SEMA3A: variants seen among roughly 807,000 people sequenced by gnomAD.
SEMA3A encodes the protein semaphorin 3A, also known as semaphorin-3A.
Under a neutral mutation model 97.9 loss-of-function variants are expected in SEMA3A, and 29 were observed. That is an observed-to-expected ratio of 0.30 (90% CI 0.22 to 0.40). SEMA3A has a LOEUF of 0.40. SEMA3A is among the 10% of genes least tolerant of loss of function. The pLI is 1.00. For synonymous variants in SEMA3A, 321 were observed against 323.7 expected, an observed-to-expected ratio of 0.99 and a Z score of 0.09; for missense variants, 763 against 951.3, an observed-to-expected ratio of 0.80 and a Z score of 2.60.
At chr7:84,396,059 A>T (rs1395464530) in intron 1 of SEMA3A, among the ~76,000 whole-genome samples, 3 of 152,144 alleles carry the variant, frequency 2.0e-5, no homozygotes, top group African/African-American at 7.2e-5. Flanking sequence ...AGTTAAAAAT[A>T]TCAAATACTG....
chr7:84,102,291 G>A (rs972718455), intron 4 of SEMA3A, among the ~76,000 whole-genome samples: 1 of 152,180 alleles, frequency 6.6e-6, no homozygotes, highest in South Asian at 2.1e-4. Flanking sequence ...TGCCTTAAGA[G>A]AGTTTCTTGA....
chr7:84,374,437 T>C (rs1803049835), intron 1 of SEMA3A, among the ~76,000 whole-genome samples: 1 of 152,210 alleles, frequency 6.6e-6, no homozygotes, highest in South Asian at 2.1e-4. Flanking sequence ...CACATATCTT[T>C]CATACACTTA....
At chr7:84,227,619 G>A in intron 3 of SEMA3A, among the ~76,000 whole-genome samples, 1 of 152,036 alleles carries the variant, frequency 6.6e-6, no homozygotes, top group East Asian at 1.9e-4. Context: ...ATTATGAGTA[G>A]GCATCCTTAC....
chr7:84,167,172 A>G (rs1279579189), intron 1 of SEMA3A, among the ~76,000 whole-genome samples: 2 of 140,970 alleles, frequency 1.4e-5, no homozygotes, highest in African/African-American at 5.1e-5. Flanking sequence ...TCAGGATTTC[A>G]GGATTGAACC....
intron 1 of SEMA3A, among the ~76,000 whole-genome samples, chr7:84,426,391 G>A (rs929968416): frequency 3.9e-5 from 6 of 152,002 alleles, no homozygotes; most frequent in African/African-American, 1.4e-4. Flanking sequence ...CTAAGTATTT[G>A]TTGACTGATA....
chr7:84,028,929 T>G (rs1462218322), intron 6 of SEMA3A, among the ~76,000 whole-genome samples: 2 of 152,218 alleles, frequency 1.3e-5, no homozygotes, highest in Non-Finnish European at 2.9e-5. Context: ...ATAAGGTTTA[T>G]TTTTTAAGAC....
intron 1 of SEMA3A, chr7:84,488,957 G>C (rs1806652127): frequency 6.6e-6 from 1 of 151,838 alleles, no homozygotes; most frequent in Admixed American, 6.6e-5. Flanking sequence ...CGGTGGTTGG[G>C]GTAGCATCTT....
chr7:84,036,474 G>A (rs1791943407), intron 6 of SEMA3A, among the ~76,000 whole-genome samples: 1 of 152,062 alleles, frequency 6.6e-6, no homozygotes, highest in Non-Finnish European at 1.5e-5. Context: ...GTGATTCTGG[G>A]AGGACTTATA....
chr7:84,459,434 A>C (rs1036111810), intron 1 of SEMA3A, among the ~76,000 whole-genome samples: 7 of 152,222 alleles, frequency 4.6e-5, no homozygotes, highest in African/African-American at 1.4e-4. Context: ...AATTCCCTCT[A>C]AAGAACTTAA....
intron 1 of SEMA3A, among the ~76,000 whole-genome samples, chr7:84,404,870 G>T (rs1257249699): frequency 1.7e-4 from 26 of 152,062 alleles, no homozygotes; most frequent in African/African-American, 5.3e-4. Context: ...CACCAGGCCT[G>T]CCCTAAAAGA....
Position 84,214,944 on chromosome 7 carries a change from GC to G in SEMA3A, c.-82-20277del, listed in dbSNP as rs552188720. On this transcript the variant is annotated intron_variant, in intron 3 of 3. Transcript: ENST00000424555. ...TTGAACTCCTGACCTTAGATGATCC[GC>G]CCCCCCTTGGCCTCCCAAAGTGCTG... is the stretch of plus-strand genomic sequence containing the variant. 1.0e-3 allele frequency among the ~76,000 whole-genome samples: 150 copies of G among 150,070 alleles called. 1 individual carries two copies. Among genetic ancestry groups the G allele is most frequent in the African/African-American group, 3.4e-3 (138 of 40,896 alleles).
chr7:84,459,013 C>G (rs936306005), intron 1 of SEMA3A, among the ~76,000 whole-genome samples: 1 of 152,092 alleles, frequency 6.6e-6, no homozygotes, highest in Admixed American at 6.6e-5. Context: ...TATCTCCCAG[C>G]TCTTAATAAA....
chr7:84,347,999 A>C (rs2116012501), intron 2 of SEMA3A, among the ~76,000 whole-genome samples: 1 of 152,302 alleles, frequency 6.6e-6, no homozygotes, highest in African/African-American at 2.4e-5. Context: ...TTGTATGTTT[A>C]AAACATTAAT....
At chr7:84,215,987 C>A (rs997262717) in intron 3 of SEMA3A, among the ~76,000 whole-genome samples, 1 of 131,726 alleles carries the variant, frequency 7.6e-6, no homozygotes, top group African/African-American at 2.5e-5. Flanking sequence ...CATTATTATT[C>A]ATTTATTGAA....
At chr7:84,415,921 A>T (rs1804420768) in intron 1 of SEMA3A, among the ~76,000 whole-genome samples, 1 of 152,052 alleles carries the variant, frequency 6.6e-6, no homozygotes, top group Admixed American at 6.6e-5. Context: ...ACTCTGTGTT[A>T]TGTTAGGGAT....
intron 1 of SEMA3A, among the ~76,000 whole-genome samples, chr7:84,471,414 T>A (rs951450721): frequency 6.6e-6 from 1 of 152,110 alleles, no homozygotes; most frequent in African/African-American, 2.4e-5. Flanking sequence ...AAGGAGATAT[T>A]TAAGTATCTT....
chr7:83,967,918 T>C (rs1490212420), intron 15 of SEMA3A, among the ~76,000 whole-genome samples: 1 of 152,226 alleles, frequency 6.6e-6, no homozygotes, highest in Admixed American at 6.5e-5. Context: ...ACTTTAAACA[T>C]TTATCATTTC....
chr7:84,378,512 G>C (rs1318209789), intron 1 of SEMA3A, among the ~76,000 whole-genome samples: 9 of 152,076 alleles, frequency 5.9e-5, no homozygotes, highest in Admixed American at 5.9e-4. Flanking sequence ...TGAACAAGGA[G>C]AACACTTGGA....
intron 2 of SEMA3A, among the ~76,000 whole-genome samples, chr7:84,337,041 C>T (rs767737413): frequency 4.6e-5 from 7 of 152,028 alleles, no homozygotes; most frequent in Non-Finnish European, 1.0e-4. Flanking sequence ...GGTTTGAATC[C>T]TAGCTTACCA....
Sources: gnomAD v4.1 joint callset for allele counts (sites outside exome capture counted in the v4.1 genomes callset) on GRCh38, gnomAD v4.1.1 for gene constraint, MANE v1.5 for transcripts, NCBI Gene and HGNC (gene_info 2026-07-23, HGNC 2026-07-21) for gene names.